The following STK31 variants were observed in gnomAD, a reference collection of about 807,000 sequenced individuals.
The protein encoded by STK31 is serine/threonine-protein kinase 31.
Under a neutral mutation model 129.7 loss-of-function variants are expected in STK31, and 89 were observed. The observed-to-expected ratio is 0.69, with a 90% CI of 0.58 to 0.82. The LOEUF (loss-of-function observed/expected upper bound fraction) is 0.82, where lower values mean the gene tolerates loss of function less well. Among genes scored for constraint, STK31 ranks in the 40% least tolerant of loss-of-function variants. The pLI is 0.00. For synonymous variants in STK31, 448 were observed against 395.3 expected (o/e 1.13, Z -1.58); for missense variants, 1,187 against 1,176.4 (o/e 1.01, Z -0.13).
intron 23 of STK31, among the ~76,000 whole-genome samples, chr7:23,830,974 A>C (rs560657489): frequency 1.3e-5 from 2 of 152,134 alleles, no homozygotes; most frequent in East Asian, 1.9e-4. Context: ...TTAGTTTTCC[A>C]TTGTGGTCTG....
chr7:23,827,280 G>T (rs961555440), intron 23 of STK31, among the ~76,000 whole-genome samples: 3 of 152,150 alleles, frequency 2.0e-5, no homozygotes, highest in Non-Finnish European at 4.4e-5. Flanking sequence ...ATATTTCTTG[G>T]AGGCTTTGTT....
intron 23 of STK31, among the ~76,000 whole-genome samples, chr7:23,822,989 C>T (rs1236410462): frequency 2.6e-5 from 4 of 152,164 alleles, no homozygotes; most frequent in Admixed American, 2.0e-4. Flanking sequence ...CTTAATCCAG[C>T]CTATCATTGT....
At chr7:23,768,562 T>G (rs1398717971) in intron 11 of STK31, among the ~76,000 whole-genome samples, 1 of 152,124 alleles carries the variant, frequency 6.6e-6, no homozygotes, top group Non-Finnish European at 1.5e-5. Flanking sequence ...GAAGGGTGAT[T>G]AGGGGTGGAG....
intron 4 of STK31, chr7:23,726,092 AG>A (rs1787048706): frequency 6.6e-6 from 1 of 152,204 alleles, no homozygotes; most frequent in Admixed American, 6.5e-5. Flanking sequence ...ACCTCCTACC[AG>A]GCCCCCCTCC....
chr7:23,815,622 A>G (rs1160139724), intron 23 of STK31, among the ~76,000 whole-genome samples: 2 of 152,174 alleles, frequency 1.3e-5, no homozygotes, highest in Non-Finnish European at 2.9e-5. Context: ...GATTACAAGG[A>G]TTGTGGCATT....
At chr7:23,723,908 A>G (rs1467738666) in intron 4 of STK31, among the ~76,000 whole-genome samples, 3 of 152,176 alleles carry the variant, frequency 2.0e-5, no homozygotes, top group African/African-American at 7.2e-5. Context: ...AGAGTCCTTT[A>G]TTTAAGCTGG....
intron 8 of STK31, among the ~76,000 whole-genome samples, chr7:23,740,671 A>G (rs1049276485): frequency 2.6e-5 from 4 of 151,910 alleles, no homozygotes; most frequent in Non-Finnish European, 5.9e-5. Flanking sequence ...ACAGTCCCTG[A>G]TGTGTGATGT....
At chr7:23,758,938 T>A (rs1197001373) in intron 10 of STK31, among the ~76,000 whole-genome samples, 1 of 152,030 alleles carries the variant, frequency 6.6e-6, no homozygotes, top group Non-Finnish European at 1.5e-5. Flanking sequence ...AAGAAAGGGA[T>A]GGAGGGAAAT....
chr7:23,732,978 T>C (rs1787518877), intron 6 of STK31, among the ~76,000 whole-genome samples: 1 of 152,198 alleles, frequency 6.6e-6, no homozygotes, highest in South Asian at 2.1e-4. Context: ...GGTTGTTAGC[T>C]TTGCCTGCTT....
At chr7:23,713,430 A>G (rs1786102137) in intron 3 of STK31, among the ~76,000 whole-genome samples, 1 of 152,184 alleles carries the variant, frequency 6.6e-6, no homozygotes, top group Non-Finnish European at 1.5e-5. Context: ...ACTACTGTAT[A>G]CTTTATAAAT....
rs1452105794 is a variant in STK31, at chr7:23,832,243, A to G, written c.2937A>G (p.Ser979=). ...AECFLMPKEQ[S]VPNPEKDTEY... ...GTTTCTTGATGCCAAAGGAGCAATC[A>G]GTTCCAAACCCAGAAAAAGATACTG... The change falls in exon 24 of 24, where the codon TCA becomes TCG. Residue 979 remains serine, a synonymous_variant. Transcript: ENST00000355870. 6.2e-7 allele frequency: 1 copy of G among 1,614,034 alleles called. No homozygotes were observed. The highest frequency in any genetic ancestry group is 1.3e-5 in the African/African-American group (1 of 74,936).
At chr7:23,792,518 A>G (rs772312368) in intron 22 of STK31, among the ~76,000 whole-genome samples, 2 of 152,198 alleles carry the variant, frequency 1.3e-5, no homozygotes, top group Non-Finnish European at 2.9e-5. Context: ...AAGACATTGT[A>G]TGGATATCAG....
At chr7:23,826,161 T>C (rs1477359253) in intron 23 of STK31, among the ~76,000 whole-genome samples, 1 of 152,178 alleles carries the variant, frequency 6.6e-6, no homozygotes, top group East Asian at 1.9e-4. Context: ...CTTGTTAACT[T>C]TCTGTCTTGT....
At chr7:23,790,229 C>G (rs141987576) in intron 21 of STK31, among the ~76,000 whole-genome samples, 4 of 152,188 alleles carry the variant, frequency 2.6e-5, no homozygotes, top group African/African-American at 9.6e-5. Flanking sequence ...CAAATTAATT[C>G]AGGCTCAAAG....
intron 23 of STK31, among the ~76,000 whole-genome samples, chr7:23,815,778 C>T (rs1469283179): frequency 1.3e-5 from 2 of 151,968 alleles, no homozygotes; most frequent in African/African-American, 4.8e-5. Context: ...ATCTCATGTA[C>T]TTCATAAGTA....
intron 22 of STK31, among the ~76,000 whole-genome samples, chr7:23,803,704 A>G (rs1371764678): frequency 2.0e-5 from 3 of 152,260 alleles, no homozygotes; most frequent in East Asian, 1.9e-4. Flanking sequence ...CTAGTACCCA[A>G]TAGTTATTTT....
intron 17 of STK31, among the ~76,000 whole-genome samples, 175 bp from the exon 18 acceptor site, chr7:23,785,303 T>G (rs1241447920): frequency 1.3e-5 from 2 of 152,088 alleles, no homozygotes; most frequent in Non-Finnish European, 2.9e-5. Flanking sequence ...GTAGGAGGAG[T>G]TTAAGAGCCA....
intron 9 of STK31, among the ~76,000 whole-genome samples, chr7:23,753,908 A>G (rs1788882921): frequency 6.6e-6 from 1 of 152,208 alleles, no homozygotes; most frequent in Non-Finnish European, 1.5e-5. Context: ...TTAGCCTATG[A>G]TACTATGGGT....
chr7:23,763,680 C>T (rs1789620048), intron 11 of STK31, among the ~76,000 whole-genome samples: 1 of 152,014 alleles, frequency 6.6e-6, no homozygotes, highest in African/African-American at 2.4e-5. Flanking sequence ...TCTCTGATAA[C>T]TCTGCTGATC....
Sources: gnomAD v4.1 joint callset for allele counts (sites outside exome capture counted in the v4.1 genomes callset) on GRCh38, gnomAD v4.1.1 for gene constraint, MANE v1.5 for transcripts, NCBI Gene and HGNC (gene_info 2026-07-23, HGNC 2026-07-21) for gene names.